Variants in PER3 observed in about 807,000 individuals in gnomAD.
The protein encoded by PER3 is period circadian protein homolog 3.
Under a neutral mutation model 127.2 loss-of-function variants are expected in PER3, and 107 were observed. The ratio of observed to expected loss-of-function variants is 0.84; its 90% CI spans 0.72 to 0.99. The LOEUF is 0.99. Among genes scored for constraint, PER3 ranks in the 50% least tolerant of loss-of-function variants. PER3 has a pLI of 0.00. For missense variants in PER3, 1,560 were observed against 1,525.8 expected (o/e 1.02, Z -0.37); for synonymous variants, 618 against 585.8 (o/e 1.05, Z -0.79).
At chr1:7,806,849 CACACAT>C (rs1404788710) in intron 10 of PER3, among the ~76,000 whole-genome samples, 2 of 138,140 alleles carry the variant, frequency 1.4e-5, no homozygotes, top group Admixed American at 7.8e-5. Context: ...CATACACACA[CACACAT>C]ACATACACAA....
intron 18 of PER3, among the ~76,000 whole-genome samples, chr1:7,828,476 A>C (rs1234540186): frequency 5.9e-5 from 9 of 152,238 alleles, no homozygotes; most frequent in African/African-American, 2.2e-4. Context: ...ATCCAAGGCA[A>C]GTGTGAATAT....
chr1:7,799,214 C>A (rs1219850447), intron 7 of PER3, among the ~76,000 whole-genome samples: 7 of 152,082 alleles, frequency 4.6e-5, no homozygotes, highest in Non-Finnish European at 4.4e-5. Flanking sequence ...GCAACAGTCA[C>A]ACAATAAAAA....
rs1329784971 is a variant in PER3 at position 7,786,788 on chromosome 1, T to A, written c.342T>A (p.Ser114Arg). Residue 114 changes from serine (S) to arginine (R), a missense_variant, in exon 4 of 22, where the codon AGT (serine) becomes AGA (arginine). Physicochemically the swap from Ser to Arg is moderately radical, Grantham distance 110. Transcript: ENST00000377532. ...CTCAGGCAGATGTGAGCATGTACAG[T>A]CTTGAGGAGCTGGCCACTATCGCTT... ...GAPQADVSMYSLEELATIASE... is the reference protein window; with the variant it reads ...GAPQADVSMYRLEELATIASE... 5 of 1,611,988 alleles carry A rather than the reference T, an allele frequency of 3.1e-6. No homozygotes were observed. In the Admixed American group the frequency reaches 5.0e-5, roughly 16 times the overall value.
chr1:7,812,542 G>A (rs1361818236), intron 13 of PER3, among the ~76,000 whole-genome samples: 11 of 145,342 alleles, frequency 7.6e-5, no homozygotes, highest in African/African-American at 1.0e-4. Flanking sequence ...GGAGAATGGC[G>A]TGAATCCGGG....
chr1:7,810,175 G>A, intron 12 of PER3, 154 bp downstream of exon 12: 2 of 808,976 alleles, frequency 2.5e-6, no homozygotes, highest in Admixed American at 2.8e-5. Flanking sequence ...AAAAAAGTCT[G>A]TAAAAAGAAA....
At chr1:7,784,466 T>TAG (rs2097074573) in intron 1 of PER3, 90 bp downstream of exon 1, 1 of 154,528 alleles carries the variant, frequency 6.5e-6, no homozygotes, top group African/African-American at 2.4e-5. Flanking sequence ...AGCCCTGCCC[T>TAG]CGGTACTGGG....
chr1:7,788,341 A>T lies in PER3; in HGVS notation c.592+95A>T, dbSNP rs2097101863. 9.4e-6 allele frequency: 8 copies of T among 849,656 alleles called. No individual in the cohort carries two copies. The South Asian group carries it at 1.3e-4, about 13-fold the overall frequency. The allele number at this position is 849,656 out of a possible 1,614,324, so 52.6% of individuals were successfully genotyped here. A position where few individuals can be genotyped will look rare whatever the true frequency, so the allele number is the denominator to read the frequency against. Reference sequence around the variant, plus strand: ...CAGAAATTAACATATTATTTAGAACATGCACACTATCTGGTTTTTCTTATT... The same window carrying T: ...CAGAAATTAACATATTATTTAGAACTTGCACACTATCTGGTTTTTCTTATT... On this transcript the variant is annotated intron_variant, in intron 5 of 21. Coordinates refer to ENST00000377532, the MANE Select transcript of PER3 (RefSeq NM_001377275.1).
chr1:7,828,948 A>T (rs905433368), intron 18 of PER3, among the ~76,000 whole-genome samples: 12 of 152,200 alleles, frequency 7.9e-5, no homozygotes, highest in Admixed American at 7.9e-4. Flanking sequence ...ACAAAAAAAA[A>T]CTACTTGTGG....
Position 7,820,994 on chromosome 1 carries a change from G to A in PER3, c.1957+354G>A, listed in dbSNP as rs143168055. Among the ~76,000 whole-genome samples the A allele has an allele frequency of 7.6e-3, 1,153 of 152,324 alleles. 8 individuals are homozygous for A. Among genetic ancestry groups the A allele is most frequent in the Middle Eastern group, 0.037 (11 of 294 alleles). On this transcript the variant is annotated intron_variant, in intron 16 of 21. Coordinates refer to ENST00000377532, the MANE Select transcript of PER3 (RefSeq NM_001377275.1). Reference sequence around the variant, plus strand: ...ACTTCCTTGCTGACTTTCACAGAATGTGTTCCTTTCACCTGCATTTCACCA... The same window carrying A: ...ACTTCCTTGCTGACTTTCACAGAATATGTTCCTTTCACCTGCATTTCACCA...
intron 10 of PER3, among the ~76,000 whole-genome samples, chr1:7,804,855 G>A (rs2097186208): frequency 1.4e-5 from 2 of 143,692 alleles, no homozygotes; most frequent in African/African-American, 5.0e-5. Flanking sequence ...CTACCCCTAG[G>A]CCCTTGAATC....
chr1:7,784,712 C>T lies in PER3; in HGVS notation c.-166C>T, dbSNP rs2097076737. 3 of 619,994 alleles carry T rather than the reference C, an allele frequency of 4.8e-6. No homozygotes were observed. The highest frequency in any genetic ancestry group is 7.5e-6 in the Non-Finnish European group (3 of 402,020). 38.4% of individuals were successfully genotyped at this position (619,994 alleles called of 1,614,324 possible). On this transcript the variant is annotated 5_prime_UTR_variant, in exon 2 of 22. Transcript: ENST00000377532. The stretch of plus-strand genomic sequence containing the variant: ...TTTGAAAATGTTGGAGGGAAAAGCT[C>T]CTCGGAGATGAGCGTGACCCCCTGG...
intron 1 of PER3, 26 bp from the exon 2 acceptor site, chr1:7,784,628 T>A: frequency 2.6e-6 from 1 of 381,788 alleles, no homozygotes; most frequent in Non-Finnish European, 4.7e-6. Flanking sequence ...CATTTGTCCC[T>A]TGTCACCCTT....
rs1209900605 is a variant in PER3 at position 7,784,675 on chromosome 1, C to G, written c.-203C>G. 1.6e-5 allele frequency: 8 copies of G among 489,290 alleles called. No homozygotes were observed. Among genetic ancestry groups the G allele is most frequent in the Non-Finnish European group, 2.8e-5 (8 of 287,878 alleles). The allele number at this position is 489,290 out of a possible 1,614,324, so 30.3% of individuals were successfully genotyped here. ...CTAGGCCGGAGTCCTGAAAGTCGAG[C>G]GAGCTCCGGGTTTTGAAAATGTTGG... On this transcript the variant is annotated 5_prime_UTR_variant, in exon 2 of 22. Coordinates refer to ENST00000377532, the MANE Select transcript of PER3 (RefSeq NM_001377275.1).
intron 16 of PER3, among the ~76,000 whole-genome samples, 167 bp downstream of exon 16, chr1:7,820,807 T>C (rs1237523361): frequency 6.6e-6 from 1 of 152,278 alleles, no homozygotes; most frequent in Non-Finnish European, 1.5e-5. Flanking sequence ...ATCATGTTTA[T>C]GTTGGTTACA....
At chr1:7,808,261 T>A (rs1335244050) in intron 10 of PER3, among the ~76,000 whole-genome samples, 64 of 103,964 alleles carry the variant, frequency 6.2e-4, no homozygotes, top group Middle Eastern at 5.0e-3. Flanking sequence ...AAAAAAAAAC[T>A]AGTATAGTAC....
intron 14 of PER3, 119 bp from the exon 15 acceptor site, chr1:7,819,996 T>G: frequency 1.0e-6 from 1 of 998,894 alleles, no homozygotes; most frequent in Non-Finnish European, 1.5e-6. Context: ...AGGGAAGACT[T>G]TATCAAAGAA....
rs534806305 is a variant in PER3 at position 7,808,813 on chromosome 1, A to G, written c.1137-80A>G. ...AATTGTTTTGTAAAAGCATAGATCT[A>G]TTCTTGGAATAGTCTATTAAAAATC... On this transcript the variant is annotated intron_variant, in intron 10 of 21. Coordinates refer to ENST00000377532, the MANE Select transcript of PER3 (RefSeq NM_001377275.1). The G allele has an allele frequency of 1.0e-5, 8 of 766,996 alleles. No homozygotes were observed. In the South Asian group the frequency reaches 1.2e-4, roughly 12 times the overall value. 47.5% of individuals were successfully genotyped at this position (766,996 alleles called of 1,614,324 possible).
intron 10 of PER3, among the ~76,000 whole-genome samples, chr1:7,806,297 C>T (rs1242788942): frequency 6.6e-6 from 1 of 152,148 alleles, no homozygotes; most frequent in Non-Finnish European, 1.5e-5. Context: ...AAAATCCATA[C>T]TCAGTAAACT....
intron 8 of PER3, 109 bp downstream of exon 8, chr1:7,801,300 C>A: frequency 1.6e-6 from 1 of 628,026 alleles, no homozygotes; most frequent in Non-Finnish European, 2.8e-6. Flanking sequence ...TGAAATCTGT[C>A]CATTTGCCTA....
Sources: allele counts gnomAD v4.1 joint callset (sites outside exome capture counted in the v4.1 genomes callset), GRCh38; gene constraint gnomAD v4.1.1; transcripts MANE v1.5; gene names NCBI Gene and HGNC (gene_info 2026-07-23, HGNC 2026-07-21).